The following KIF11 variants were observed in gnomAD, a reference collection of about 807,000 sequenced individuals.
The protein encoded by KIF11 is kinesin-like protein KIF11.
A neutral mutation model predicts 121.0 loss-of-function variants in KIF11; 9 were observed. The observed-to-expected ratio is 0.07, with a 90% CI of 0.04 to 0.13. The LOEUF (loss-of-function observed/expected upper bound fraction) is 0.13. KIF11 is among the 10% of genes least tolerant of loss of function. KIF11 has a pLI of 1.00. For missense variants in KIF11, 846 were observed against 1,217.5 expected, an observed-to-expected ratio of 0.69 and a Z score of 4.54; for synonymous variants, 408 against 421.0, an observed-to-expected ratio of 0.97 and a Z score of 0.38.
intron 11 of KIF11, among the ~76,000 whole-genome samples, chr10:92,629,253 A>G (rs1844709802): frequency 6.6e-6 from 1 of 151,994 alleles, no homozygotes; most frequent in East Asian, 1.9e-4. Context: ...AAATGCTGGG[A>G]TGACAGGCGT....
At chr10:92,600,699 G>T (rs1844359370) in intron 1 of KIF11, among the ~76,000 whole-genome samples, 1 of 151,844 alleles carries the variant, frequency 6.6e-6, no homozygotes, top group Non-Finnish European at 1.5e-5. Flanking sequence ...TAGAGACAGG[G>T]TTTCACTATG....
rs557041429 is a variant in KIF11 at position 92,630,457 on chromosome 10, C to T, written c.1494+93C>T. Reference sequence around the variant, plus strand: ...AAGCATTAAATATTCTGTTTATTCACCCCAAATGGTATTTCTGTCCATTTA... The same window carrying T: ...AAGCATTAAATATTCTGTTTATTCATCCCAAATGGTATTTCTGTCCATTTA... On this transcript the variant is annotated intron_variant, in intron 12 of 21. Transcript: ENST00000260731. 2.5e-5 allele frequency: 15 copies of T among 610,664 alleles called. No homozygotes were observed. The South Asian group carries it at 5.2e-4, about 21-fold the overall frequency. The allele number at this position is 610,664 out of a possible 1,614,324, so 37.8% of individuals were successfully genotyped here. A position where few individuals can be genotyped will look rare whatever the true frequency, so the allele number is the denominator to read the frequency against.
intron 21 of KIF11, among the ~76,000 whole-genome samples, chr10:92,650,722 G>C (rs1434357382): frequency 6.6e-6 from 1 of 152,116 alleles, no homozygotes; most frequent in Non-Finnish European, 1.5e-5. Flanking sequence ...GGCAGAATTT[G>C]ACTTAATCTA....
Position 92,609,512 on chromosome 10 carries a change from A to G in KIF11, c.698+3A>G. The G allele has an allele frequency of 6.2e-7, 1 of 1,605,974 alleles. No individual in the cohort carries two copies. Among genetic ancestry groups the G allele is most frequent in the Non-Finnish European group, 8.5e-7 (1 of 1,177,666 alleles). ...ACTCTGATGAATGCATACTCTAGGT[A>G]AGAAAGCCATAGTCTCTTCCCTAGC... On this transcript the variant is annotated splice_donor_region_variant and intron_variant, in intron 6 of 21. Transcript: ENST00000260731.
intron 8 of KIF11, among the ~76,000 whole-genome samples, chr10:92,614,953 A>AGTTTT (rs1219991807): frequency 6.6e-6 from 1 of 151,920 alleles, no homozygotes; most frequent in Non-Finnish European, 1.5e-5. Context: ...GGCCTGGCTA[A>AGTTTT]GTTTTGTTTT....
chr10:92,628,168 C>G (rs1399605781), intron 10 of KIF11, among the ~76,000 whole-genome samples: 1 of 151,876 alleles, frequency 6.6e-6, no homozygotes, highest in Non-Finnish European at 1.5e-5. Context: ...TACAGGACAT[C>G]CCCACAATGA....
rs1370841436 is a variant in KIF11 at position 92,618,419 on chromosome 10, C to T, written c.1128+1587C>T. ...CAGCACTTTGGGAGGCCGAGGTAGGCGGATTGCTTTAGATCAGGAGTTCGA... is the reference window on the plus strand; with the variant it reads ...CAGCACTTTGGGAGGCCGAGGTAGGTGGATTGCTTTAGATCAGGAGTTCGA... On this transcript the variant is annotated intron_variant, in intron 9 of 21. Coordinates refer to ENST00000260731, the MANE Select transcript of KIF11 (RefSeq NM_004523.4). Among the ~76,000 whole-genome samples, 7 of 151,534 alleles carry T rather than the reference C, an allele frequency of 4.6e-5. No individual in the cohort carries two copies. The East Asian group carries it at 1.4e-3, about 29-fold the overall frequency.
At chr10:92,637,341 AT>A (rs781232941) in intron 15 of KIF11, 32 bp downstream of exon 15, 1 of 1,581,562 alleles carries the variant, frequency 6.3e-7, no homozygotes, top group East Asian at 2.3e-5. Context: ...ATATCTCAAA[AT>A]TGATGTGTTG....
At chr10:92,622,431 A>G (rs1409397633) in intron 10 of KIF11, among the ~76,000 whole-genome samples, 1 of 152,086 alleles carries the variant, frequency 6.6e-6, no homozygotes, top group Non-Finnish European at 1.5e-5. Context: ...CCTGGCCAAC[A>G]TGGTGAAACC....
intron 9 of KIF11, 84 bp downstream of exon 9, chr10:92,616,916 CAA>C (rs1844563364): frequency 4.0e-6 from 3 of 755,644 alleles, no homozygotes. Context: ...AATAGTTAAA[CAA>C]GATTTGTTAA....
chr10:92,645,107 A>G (rs1400709562), intron 17 of KIF11, among the ~76,000 whole-genome samples: 1 of 152,226 alleles, frequency 6.6e-6, no homozygotes, highest in Non-Finnish European at 1.5e-5. Flanking sequence ...TTTTGAAAGC[A>G]TCATAACTGG....
intron 14 of KIF11, 99 bp from the exon 15 acceptor site, chr10:92,637,085 G>T: frequency 3.1e-4 from 219 of 702,814 alleles, no homozygotes; most frequent in Middle Eastern, 8.9e-4. Flanking sequence ...ATTTTAATGT[G>T]AATGTTTAGC....
At position 92,648,429 on chromosome 10, in the gene KIF11, C is replaced by A. The variant is rs1226485358; in HGVS notation, c.2765C>A (p.Pro922Gln). The A allele has an allele frequency of 1.3e-6, 2 of 1,568,160 alleles. No individual in the cohort carries two copies. Among genetic ancestry groups the A allele is most frequent in the Admixed American group, 1.8e-5 (1 of 54,066 alleles). ...FLEQDLKLDIPTGTTPQRKSY... is the reference protein window; with the variant it reads ...FLEQDLKLDIQTGTTPQRKSY... The stretch of plus-strand genomic sequence containing the variant: ...GAACAGGATCTGAAACTGGATATCC[C>A]AACAGGTACTTTAAAAGAGAAATAG... Residue 922 changes from proline (P) to glutamine (Q), a missense_variant, in exon 19 of 22, where the codon CCA (proline) becomes CAA (glutamine). Around this residue, in one of 5 missense-constraint regions of KIF11, gnomAD observed 492 missense variants for 603.4 expected, o/e 0.82. Coordinates refer to ENST00000260731, the MANE Select transcript of KIF11 (RefSeq NM_004523.4).
chr10:92,623,665 T>C (rs1432688332), intron 10 of KIF11, among the ~76,000 whole-genome samples: 3 of 152,280 alleles, frequency 2.0e-5, no homozygotes, highest in Non-Finnish European at 4.4e-5. Flanking sequence ...CAATGTAAGA[T>C]TGTGGGTTAG....
chr10:92,612,692 CA>C (rs1844510401), intron 6 of KIF11, among the ~76,000 whole-genome samples: 2 of 152,160 alleles, frequency 1.3e-5, no homozygotes, highest in South Asian at 4.1e-4. Context: ...TGACATATTT[CA>C]AATGGTTCTT....
intron 8 of KIF11, among the ~76,000 whole-genome samples, chr10:92,614,704 C>T (rs1247116450): frequency 2.0e-5 from 3 of 152,056 alleles, no homozygotes; most frequent in African/African-American, 7.2e-5. Flanking sequence ...AGAGGAAAAC[C>T]AAGAAAAGTA....
intron 19 of KIF11, among the ~76,000 whole-genome samples, chr10:92,648,853 G>A (rs929384493): frequency 1.1e-4 from 16 of 152,162 alleles, no homozygotes; most frequent in African/African-American, 3.1e-4. Flanking sequence ...AGGAATCCCT[G>A]TTTTAAGAGA....
rs1052903807 is a variant in KIF11, at chr10:92,609,313, T to A, written c.574-72T>A. On this transcript the variant is annotated intron_variant, in intron 5 of 21. Transcript: ENST00000260731. Reference sequence around the variant, plus strand: ...GAGAGAGAGAGAGAGAGTGTGTGTGTGTGTGTGTGTGTGTGTGTGTGTGTG... The same window carrying A: ...GAGAGAGAGAGAGAGAGTGTGTGTGAGTGTGTGTGTGTGTGTGTGTGTGTG... 588 of 1,250,100 alleles carry A rather than the reference T, an allele frequency of 4.7e-4. 2 individuals carry two copies. The highest frequency in any genetic ancestry group is 3.7e-3 in the Middle Eastern group (12 of 3,216). The allele number at this position is 1,250,100 out of a possible 1,614,324, so 77.4% of individuals were successfully genotyped here. A position where few individuals can be genotyped will look rare whatever the true frequency, so the allele number is the denominator to read the frequency against.
intron 16 of KIF11, among the ~76,000 whole-genome samples, chr10:92,638,713 T>C (rs887955519): frequency 6.6e-6 from 1 of 152,212 alleles, no homozygotes; most frequent in East Asian, 1.9e-4. Context: ...ATGTAAAACT[T>C]TGAACACATT....
Sources: gnomAD v4.1 joint callset for allele counts (sites outside exome capture counted in the v4.1 genomes callset) on GRCh38, gnomAD v4.1.1 for gene constraint, gnomAD v4.1.1 regional missense constraint, MANE v1.5 for transcripts, NCBI Gene and HGNC (gene_info 2026-07-23, HGNC 2026-07-21) for gene names.